MIA2: variants seen among roughly 807,000 people sequenced by gnomAD.
MIA2 encodes MIA SH3 domain ER export factor 2, also known as melanoma inhibitory activity protein 2.
In MIA2, 127 loss-of-function variants were observed where a neutral mutation model predicts 167.8. The observed-to-expected ratio is 0.76, with a 90% confidence interval of 0.66 to 0.88. The LOEUF (loss-of-function observed/expected upper bound fraction) is 0.88, where lower values mean the gene tolerates loss of function less well. Ranked by LOEUF, MIA2 falls within the 40% of genes least tolerant of loss-of-function variation. The pLI, the probability that MIA2 is intolerant of heterozygous loss-of-function variation, is 0.00. For synonymous variants in MIA2, 552 were observed against 541.9 expected, an observed-to-expected ratio of 1.02 and a Z score of -0.26; for missense variants, 1,690 against 1,624.7, an observed-to-expected ratio of 1.04 and a Z score of -0.69.
intron 23 of MIA2, chr14:39,370,819 T>C (rs2074926240): frequency 6.5e-6 from 1 of 153,318 alleles, no homozygotes; most frequent in Admixed American, 6.5e-5. Context: ...TTGGATAACT[T>C]TTCCCGTTGC....
At chr14:39,266,333 G>A in intron 6 of MIA2, 1 of 985,326 alleles carries the variant, frequency 1.0e-6, no homozygotes, top group East Asian at 1.1e-4. Flanking sequence ...CCAGCACTTG[G>A]CACTTTATTC....
intron 23 of MIA2, among the ~76,000 whole-genome samples, chr14:39,320,080 A>T (rs988711327): frequency 3.9e-5 from 6 of 151,976 alleles, no homozygotes; most frequent in African/African-American, 1.5e-4. Context: ...CAAAGTTTGG[A>T]TTGGGGTGAA....
intron 25 of MIA2, among the ~76,000 whole-genome samples, chr14:39,342,273 G>A (rs1162003304): frequency 6.7e-6 from 1 of 149,118 alleles, no homozygotes; most frequent in Non-Finnish European, 1.5e-5. Context: ...TTGGTTTTTT[G>A]TCCTTGCGAT....
intron 23 of MIA2, among the ~76,000 whole-genome samples, chr14:39,366,042 C>T (rs1301004353): frequency 1.3e-5 from 2 of 152,084 alleles, no homozygotes; most frequent in Admixed American, 1.3e-4. Flanking sequence ...AGCTTTGATT[C>T]TGGGTGCATG....
chr14:39,326,563 T>C (rs181176880), intron 24 of MIA2, among the ~76,000 whole-genome samples: 13 of 151,346 alleles, frequency 8.6e-5, no homozygotes, highest in African/African-American at 2.9e-4. Context: ...ACTATTGATA[T>C]ATTAGTTTAA....
At chr14:39,246,866 C>A (rs763238086) in intron 3 of MIA2, 45 bp from the exon 4 acceptor site, 3 of 1,086,244 alleles carry the variant, frequency 2.8e-6, no homozygotes, top group Non-Finnish European at 3.9e-6. Context: ...AAACAAGGAG[C>A]TCTAGTACAT....
chr14:39,278,051 G>A (rs144427470), intron 7 of MIA2, among the ~76,000 whole-genome samples: 2,897 of 151,796 alleles, frequency 0.019, 44 homozygotes, highest in Non-Finnish European at 0.029. Context: ...TCGGCTCACT[G>A]CAATCTCTGC....
chr14:39,284,774 A>G (rs1046688124), intron 9 of MIA2, among the ~76,000 whole-genome samples: 1 of 137,112 alleles, frequency 7.3e-6, no homozygotes, highest in African/African-American at 2.7e-5. Context: ...TTTTTTATTG[A>G]TCATTCTTGG....
chr14:39,318,781 C>T (rs1025240367), intron 22 of MIA2, among the ~76,000 whole-genome samples: 5 of 152,196 alleles, frequency 3.3e-5, no homozygotes, highest in Admixed American at 1.3e-4. Flanking sequence ...CAATGGAAAG[C>T]ATACATGACT....
intron 25 of MIA2, among the ~76,000 whole-genome samples, chr14:39,333,979 G>A (rs1043653199): frequency 5.9e-5 from 9 of 152,158 alleles, no homozygotes; most frequent in African/African-American, 2.2e-4. Flanking sequence ...TCATAGACAA[G>A]GGTAATTCTA....
chr14:39,295,621 G>T (rs1260348469), intron 13 of MIA2, among the ~76,000 whole-genome samples: 2 of 151,876 alleles, frequency 1.3e-5, no homozygotes, highest in African/African-American at 4.8e-5. Flanking sequence ...GTGCAGTGGC[G>T]TGATCTCGGC....
rs1246494785 is a variant in MIA2, at chr14:39,313,456, T to C, written c.3119+15T>C. On this transcript the variant is annotated intron_variant, in intron 19 of 28. Coordinates refer to ENST00000640607, the MANE Select transcript of MIA2 (RefSeq NM_001329214.4). Reference sequence around the variant, plus strand: ...GAGACCTATAGGTATTAAATACATTTTTCTGGTTTCTTTTTTGGAATGGGA... The same window carrying C: ...GAGACCTATAGGTATTAAATACATTCTTCTGGTTTCTTTTTTGGAATGGGA... 6.9e-7 allele frequency: 1 copy of C among 1,453,452 alleles called. No homozygotes were observed. The allele number at this position is 1,453,452 out of a possible 1,614,324, so 90.0% of individuals were successfully genotyped here.
At chr14:39,322,835 C>T (rs919461471) in intron 24 of MIA2, among the ~76,000 whole-genome samples, 2 of 152,140 alleles carry the variant, frequency 1.3e-5, no homozygotes, top group African/African-American at 4.8e-5. Flanking sequence ...CTTACATTTT[C>T]AGTTCCAAGT....
chr14:39,276,705 G>A (rs1368723050), intron 6 of MIA2: 7 of 431,432 alleles, frequency 1.6e-5, no homozygotes, highest in Non-Finnish European at 2.5e-5. Flanking sequence ...GAAACTTTAA[G>A]TCACCTCTGT....
rs139999683 is a variant in MIA2, at chr14:39,238,167, A to G, written c.249+1112A>G. Among the ~76,000 whole-genome samples the G allele has an allele frequency of 9.0e-3, 1,346 of 150,286 alleles. 20 individuals are homozygous for G. Among genetic ancestry groups the G allele is most frequent in the African/African-American group, 0.031 (1,281 of 40,942 alleles). On this transcript the variant is annotated intron_variant, in intron 2 of 28. Coordinates refer to ENST00000640607, the MANE Select transcript of MIA2 (RefSeq NM_001329214.4). ...AGAAAGGCTGGTAGCTAGGGAAGCTAGGTGTACAAGTTTTTTTTTTTTATT... is the reference window on the plus strand; with the variant it reads ...AGAAAGGCTGGTAGCTAGGGAAGCTGGGTGTACAAGTTTTTTTTTTTTATT...
intron 23 of MIA2, among the ~76,000 whole-genome samples, chr14:39,375,961 A>AT (rs1477624216): frequency 6.6e-6 from 1 of 151,906 alleles, no homozygotes; most frequent in Non-Finnish European, 1.5e-5. Flanking sequence ...TGATTTTTTT[A>AT]TTTTTATTTT....
intron 6 of MIA2, among the ~76,000 whole-genome samples, chr14:39,272,352 A>C (rs896553322): frequency 1.2e-4 from 18 of 151,978 alleles, no homozygotes; most frequent in African/African-American, 4.1e-4. Flanking sequence ...ACTCCATCCC[A>C]AAAAAAAGAA....
chr14:39,259,340 C>T (rs1373024055), intron 6 of MIA2, among the ~76,000 whole-genome samples: 1 of 151,776 alleles, frequency 6.6e-6, no homozygotes, highest in Non-Finnish European at 1.5e-5. Flanking sequence ...GTCCAGACCG[C>T]CCAGCCAAGG....
intron 10 of MIA2, among the ~76,000 whole-genome samples, chr14:39,291,922 AC>A (rs1449410532): frequency 1.3e-5 from 2 of 152,238 alleles, no homozygotes; most frequent in Non-Finnish European, 2.9e-5. Flanking sequence ...GTCTGCAGAT[AC>A]TAAAACAGAA....
Sources: allele counts gnomAD v4.1 joint callset (sites outside exome capture counted in the v4.1 genomes callset), GRCh38; gene constraint gnomAD v4.1.1; transcripts MANE v1.5; gene names NCBI Gene and HGNC (gene_info 2026-07-23, HGNC 2026-07-21).